Variants in MANBA observed in about 807,000 individuals in gnomAD.
MANBA encodes mannosidase beta.
MANBA carries 83 observed loss-of-function variants against 111.1 expected under a neutral mutation model. That is an observed-to-expected ratio of 0.75 (90% CI 0.63 to 0.90). The LOEUF (loss-of-function observed/expected upper bound fraction) is 0.90, where lower values mean the gene tolerates loss of function less well. MANBA is among the 40% of genes least tolerant of loss of function. MANBA has a pLI of 0.00. For missense variants in MANBA, 1,036 were observed against 1,069.0 expected, an observed-to-expected ratio of 0.97 and a Z score of 0.43; for synonymous variants, 370 against 378.7, an observed-to-expected ratio of 0.98 and a Z score of 0.27.
At chr4:102,653,665 G>A (rs911639870) in intron 12 of MANBA, among the ~76,000 whole-genome samples, 1 of 152,088 alleles carries the variant, frequency 6.6e-6, no homozygotes, top group South Asian at 2.1e-4. Flanking sequence ...TTCATAATGA[G>A]CAGCACTTAT....
intron 1 of MANBA, among the ~76,000 whole-genome samples, chr4:102,732,655 T>C (rs750642042): frequency 2.2e-4 from 33 of 152,232 alleles, no homozygotes; most frequent in Non-Finnish European, 3.1e-4. Context: ...AACTGGCTTT[T>C]AAGGTCTGGT....
intron 7 of MANBA, among the ~76,000 whole-genome samples, chr4:102,685,108 T>A (rs762903771): frequency 3.3e-5 from 5 of 152,198 alleles, no homozygotes; most frequent in Non-Finnish European, 5.9e-5. Context: ...GTCAGGATAG[T>A]GGATCTTCGG....
intron 13 of MANBA, among the ~76,000 whole-genome samples, chr4:102,646,968 A>C (rs1435429721): frequency 6.6e-6 from 1 of 151,938 alleles, no homozygotes; most frequent in Non-Finnish European, 1.5e-5. Context: ...TTAATTAATA[A>C]ATCTTCTAAA....
At chr4:102,730,309 C>A (rs960450371) in intron 1 of MANBA, 3 of 550,444 alleles carry the variant, frequency 5.5e-6, no homozygotes, top group South Asian at 4.7e-5. Context: ...GAGGGTATAA[C>A]TTAGATTTAT....
intron 5 of MANBA, among the ~76,000 whole-genome samples, chr4:102,709,029 A>G (rs892791303): frequency 6.6e-6 from 1 of 151,964 alleles, no homozygotes; most frequent in Non-Finnish European, 1.5e-5. Context: ...CTGACTGACA[A>G]AAAAATAGAG....
chr4:102,688,661 C>G (rs1026505324), intron 7 of MANBA, among the ~76,000 whole-genome samples: 1 of 152,106 alleles, frequency 6.6e-6, no homozygotes, highest in African/African-American at 2.4e-5. Context: ...AAGCCAGATC[C>G]AAGCCATCTC....
At chr4:102,751,476 G>A in intron 1 of MANBA, 1 of 526,344 alleles carries the variant, frequency 1.9e-6, no homozygotes, top group Non-Finnish European at 3.9e-6. Flanking sequence ...CTCAATCCCT[G>A]CCGCCTCTGA....
In MANBA at chr4:102,760,793, C is replaced by T. The variant is rs1192993013; in HGVS notation, c.102G>A (p.Gly34=). ...SLRGNWSICN[G]NGSLELPGAV... The stretch of plus-strand genomic sequence containing the variant: ...CCCCGGGCAGCTCCAGCGAGCCGTT[C>T]CCATTGCAGATGCTCCAGTTGCCAC... The change falls in exon 1 of 17, where the codon GGG becomes GGA. Residue 34 remains glycine, a synonymous_variant. Coordinates refer to ENST00000647097, the MANE Select transcript of MANBA (RefSeq NM_005908.4). 1.9e-6 allele frequency: 3 copies of T among 1,556,488 alleles called. No individual in the cohort carries two copies. In the African/African-American group the frequency reaches 4.1e-5, roughly 21 times the overall value.
At chr4:102,734,494 A>C in intron 1 of MANBA, 1 of 1,606,152 alleles carries the variant, frequency 6.2e-7, no homozygotes, top group Non-Finnish European at 8.5e-7. Flanking sequence ...CCCATTCCCA[A>C]GTTCCACGAG....
At chr4:102,717,064 G>A (rs1022901251) in intron 4 of MANBA, among the ~76,000 whole-genome samples, 1 of 152,116 alleles carries the variant, frequency 6.6e-6, no homozygotes, top group Non-Finnish European at 1.5e-5. Context: ...ATTGGAGATA[G>A]GGAAAAGAAG....
chr4:102,728,783 C>A, intron 1 of MANBA: 3 of 951,268 alleles, frequency 3.2e-6, no homozygotes, highest in South Asian at 1.5e-5. Flanking sequence ...GGACACCAGC[C>A]TCCCATCATG....
At chr4:102,699,100 T>A (rs1344636971) in intron 5 of MANBA, among the ~76,000 whole-genome samples, 2 of 152,180 alleles carry the variant, frequency 1.3e-5, no homozygotes, top group African/African-American at 2.4e-5. Flanking sequence ...TTCCTAGGTA[T>A]TTTATTCTCT....
At chr4:102,706,627 C>T (rs1733309034) in intron 5 of MANBA, among the ~76,000 whole-genome samples, 1 of 151,352 alleles carries the variant, frequency 6.6e-6, no homozygotes, top group African/African-American at 2.4e-5. Flanking sequence ...GTATGAAATC[C>T]CATATAAAGA....
intron 16 of MANBA, 70 bp downstream of exon 16, chr4:102,634,718 G>C: frequency 2.5e-6 from 4 of 1,592,612 alleles, no homozygotes; most frequent in Non-Finnish European, 3.4e-6. Flanking sequence ...AGGATGCAAG[G>C]AGCTGGCCCA....
chr4:102,667,337 C>T (rs185970863), intron 10 of MANBA: 10 of 151,962 alleles, frequency 6.6e-5, no homozygotes, highest in African/African-American at 2.2e-4. Context: ...GTAGTAAGCA[C>T]GGGGGTGAGA....
intron 1 of MANBA, among the ~76,000 whole-genome samples, chr4:102,743,782 G>A (rs1016753484): frequency 2.6e-5 from 4 of 152,164 alleles, no homozygotes; most frequent in African/African-American, 7.2e-5. Context: ...TTGATGACCC[G>A]TAGTCAAAGG....
intron 1 of MANBA, among the ~76,000 whole-genome samples, 178 bp downstream of exon 1, chr4:102,760,536 CGTCA>C (rs1724199804): frequency 6.6e-6 from 1 of 152,224 alleles, no homozygotes; most frequent in African/African-American, 2.4e-5. Flanking sequence ...GCTCAGTCTC[CGTCA>C]AGCCCGTACC....
At chr4:102,747,046 A>G (rs1470297839) in intron 1 of MANBA, among the ~76,000 whole-genome samples, 1 of 152,008 alleles carries the variant, frequency 6.6e-6, no homozygotes, top group Non-Finnish European at 1.5e-5. Context: ...CCAACTCCAG[A>G]AACCCCAAAA....
chr4:102,727,437 T>C, intron 1 of MANBA: 8 of 1,300,856 alleles, frequency 6.1e-6, no homozygotes, highest in Non-Finnish European at 8.9e-6. Context: ...TATAGGCCAA[T>C]TGCACATGGG....
Sources: gnomAD v4.1 joint callset for allele counts (sites outside exome capture counted in the v4.1 genomes callset) on GRCh38, gnomAD v4.1.1 for gene constraint, MANE v1.5 for transcripts, NCBI Gene and HGNC (gene_info 2026-07-23, HGNC 2026-07-21) for gene names.